CCDC91: variants seen among roughly 807,000 people sequenced by gnomAD.
CCDC91 encodes the protein coiled-coil domain containing 91.
CCDC91 carries 48 observed loss-of-function variants against 63.2 expected under a neutral mutation model. The ratio of observed to expected loss-of-function variants is 0.76; its 90% CI spans 0.60 to 0.97. The LOEUF is 0.97. CCDC91 is among the 50% of genes least tolerant of loss of function. The probability of loss-of-function intolerance (pLI) is 0.00; values close to 1 mark genes in which losing one functional copy is unlikely to be tolerated. For synonymous variants in CCDC91, 167 were observed against 165.8 expected (o/e 1.01, Z -0.06); for missense variants, 500 against 494.6 (o/e 1.01, Z -0.10).
intron 8 of CCDC91, among the ~76,000 whole-genome samples, chr12:28,411,565 C>T (rs1346902940): frequency 1.3e-5 from 2 of 152,150 alleles, no homozygotes; most frequent in Non-Finnish European, 2.9e-5. Flanking sequence ...TTCCCTAAAG[C>T]ACCAGCTTTA....
At chr12:28,284,615 TG>T (rs1948801270) in intron 3 of CCDC91, among the ~76,000 whole-genome samples, 1 of 151,282 alleles carries the variant, frequency 6.6e-6, no homozygotes, top group Non-Finnish European at 1.5e-5. Context: ...ATCGCGCCAT[TG>T]CTCTCCAACC....
chr12:28,367,373 C>T (rs1592447856), intron 7 of CCDC91, among the ~76,000 whole-genome samples: 1 of 151,450 alleles, frequency 6.6e-6, no homozygotes, highest in African/African-American at 2.4e-5. Context: ...GAGATGGGCT[C>T]AATAATGGAA....
At chr12:28,296,427 C>A (rs1367873790) in intron 3 of CCDC91, among the ~76,000 whole-genome samples, 2 of 151,722 alleles carry the variant, frequency 1.3e-5, no homozygotes, top group Non-Finnish European at 2.9e-5. Flanking sequence ...ATGCCAATAA[C>A]TCTAGAAAAT....
At chr12:28,415,664 T>TTTTG (rs1947610755) in intron 8 of CCDC91, among the ~76,000 whole-genome samples, 1 of 148,404 alleles carries the variant, frequency 6.7e-6, no homozygotes, top group Admixed American at 6.7e-5. Context: ...AGATATATAT[T>TTTTG]TGTGTGTGTG....
chr12:28,485,729 T>A (rs2140939574), intron 12 of CCDC91, among the ~76,000 whole-genome samples: 1 of 152,328 alleles, frequency 6.6e-6, no homozygotes, highest in East Asian at 1.9e-4. Context: ...GGGAAAATTC[T>A]GGGCCAAAGA....
chr12:28,382,052 C>T (rs1945327619), intron 7 of CCDC91, among the ~76,000 whole-genome samples: 2 of 151,984 alleles, frequency 1.3e-5, no homozygotes, highest in African/African-American at 2.4e-5. Flanking sequence ...TGAGAAATAA[C>T]TAATAGAAGT....
chr12:28,208,627 A>G (rs1431329688), intron 1 of CCDC91, among the ~76,000 whole-genome samples: 19 of 152,188 alleles, frequency 1.2e-4, no homozygotes, highest in Admixed American at 1.2e-3. Flanking sequence ...GATATTATGA[A>G]ATAGAATCCA....
At chr12:28,204,953 A>T (rs932313199) in intron 1 of CCDC91, among the ~76,000 whole-genome samples, 2 of 152,170 alleles carry the variant, frequency 1.3e-5, no homozygotes, top group Non-Finnish European at 2.9e-5. Context: ...CATTTTTAAG[A>T]TTTATTACGT....
intron 3 of CCDC91, among the ~76,000 whole-genome samples, chr12:28,276,229 T>G (rs1314773441): frequency 3.9e-5 from 6 of 152,074 alleles, no homozygotes; most frequent in African/African-American, 1.4e-4. Context: ...GTATATTTAA[T>G]CATGTAATAT....
intron 1 of CCDC91, among the ~76,000 whole-genome samples, chr12:28,203,634 C>T (rs1340719916): frequency 1.3e-5 from 2 of 152,102 alleles, no homozygotes; most frequent in Non-Finnish European, 2.9e-5. Context: ...AGGGAGGTGT[C>T]TGCAGTATAG....
intron 1 of CCDC91, among the ~76,000 whole-genome samples, chr12:28,217,504 A>G (rs1943641185): frequency 6.6e-6 from 1 of 152,160 alleles, no homozygotes; most frequent in Admixed American, 6.6e-5. Flanking sequence ...AAGTGAATCA[A>G]AAGATATTAA....
chr12:28,432,263 G>C (rs566017108), intron 8 of CCDC91, among the ~76,000 whole-genome samples: 58 of 152,024 alleles, frequency 3.8e-4, no homozygotes, highest in African/African-American at 1.3e-3. Flanking sequence ...CATTGCTATG[G>C]TTTGGCTCTG....
At chr12:28,427,812 T>C (rs1428979467) in intron 8 of CCDC91, among the ~76,000 whole-genome samples, 3 of 152,204 alleles carry the variant, frequency 2.0e-5, no homozygotes, top group Non-Finnish European at 4.4e-5. Flanking sequence ...ATGCTTTTTA[T>C]GTGTCAGAGC....
chr12:28,293,229 A>G (rs778917055), intron 3 of CCDC91, among the ~76,000 whole-genome samples: 5 of 152,238 alleles, frequency 3.3e-5, no homozygotes, highest in Non-Finnish European at 1.5e-5. Flanking sequence ...AAAAACTAGC[A>G]TACATAGAAG....
At chr12:28,283,837 A>AGG (rs1948748537) in intron 3 of CCDC91, among the ~76,000 whole-genome samples, 6 of 151,970 alleles carry the variant, frequency 3.9e-5, no homozygotes, top group Non-Finnish European at 8.8e-5. Context: ...TCCATTTATG[A>AGG]TATCATGTGG....
intron 6 of CCDC91, among the ~76,000 whole-genome samples, chr12:28,355,911 A>T (rs752182422): frequency 6.6e-6 from 1 of 152,172 alleles, no homozygotes; most frequent in Non-Finnish European, 1.5e-5. Context: ...CTTACTCTAG[A>T]GGGACAATCT....
chr12:28,386,776 C>G (rs1004117919), intron 7 of CCDC91, among the ~76,000 whole-genome samples: 17 of 152,112 alleles, frequency 1.1e-4, no homozygotes, highest in African/African-American at 4.1e-4. Flanking sequence ...TAAATATGTT[C>G]AAAATCAACA....
chr12:28,369,950 C>G (rs1180568030), intron 7 of CCDC91, among the ~76,000 whole-genome samples: 1 of 152,176 alleles, frequency 6.6e-6, no homozygotes, highest in African/African-American at 2.4e-5. Flanking sequence ...GAGACCATCC[C>G]ACACAACCAT....
At chr12:28,213,029 G>A (rs1269283064) in intron 1 of CCDC91, among the ~76,000 whole-genome samples, 1 of 152,122 alleles carries the variant, frequency 6.6e-6, no homozygotes, top group Non-Finnish European at 1.5e-5. Flanking sequence ...ATTGGAATGG[G>A]GATGCATGGA....
Sources: allele counts gnomAD v4.1 joint callset (sites outside exome capture counted in the v4.1 genomes callset), GRCh38; gene constraint gnomAD v4.1.1; transcripts MANE v1.5; gene names NCBI Gene and HGNC (gene_info 2026-07-23, HGNC 2026-07-21).